Variants in FAN1 observed in about 807,000 individuals in gnomAD.
FAN1 encodes the protein FANCD2 and FANCI associated nuclease 1, also known as fanconi-associated nuclease 1.
In FAN1, 91 loss-of-function variants were observed where a neutral mutation model predicts 104.9. The observed-to-expected ratio is 0.87, with a 90% CI of 0.73 to 1.03. FAN1 has a LOEUF of 1.03. Among genes scored for constraint, FAN1 ranks in the 50% least tolerant of loss-of-function variants. The pLI is 0.00. For synonymous variants in FAN1, 478 were observed against 457.6 expected (o/e 1.04, Z -0.57); for missense variants, 1,263 against 1,239.9 (o/e 1.02, Z -0.28).
At chr15:30,924,134 A>G (rs2062401410) in intron 8 of FAN1, among the ~76,000 whole-genome samples, 1 of 152,214 alleles carries the variant, frequency 6.6e-6, no homozygotes, top group African/African-American at 2.4e-5. Context: ...TTTGCTCAGC[A>G]TCATGTTTCT....
intron 12 of FAN1, among the ~76,000 whole-genome samples, chr15:30,929,759 T>TATATC (rs2062605225): frequency 4.5e-5 from 2 of 44,892 alleles, no homozygotes; most frequent in South Asian, 7.3e-4. Context: ...TATAATATAA[T>TATATC]ATATAAAATA....
intron 13 of FAN1, among the ~76,000 whole-genome samples, chr15:30,934,557 A>AT (rs1426551920): frequency 6.6e-6 from 1 of 151,460 alleles, no homozygotes; most frequent in Non-Finnish European, 1.5e-5. Context: ...TGGTTTTTGT[A>AT]TTTTTTAGAG....
chr15:30,939,078 C>G, intron 14 of FAN1: 2 of 985,424 alleles, frequency 2.0e-6, no homozygotes, highest in Non-Finnish European at 2.4e-6. Context: ...TTTTAGTTTT[C>G]TCGGGAAATC....
At chr15:30,913,794 T>G (rs1374413337) in intron 4 of FAN1, 64 bp from the exon 5 acceptor site, 3 of 1,043,010 alleles carry the variant, frequency 2.9e-6, no homozygotes, top group African/African-American at 1.6e-5. Context: ...GAAAATAATT[T>G]GTAAAATCTG....
intron 10 of FAN1, 97 bp from the exon 11 acceptor site, chr15:30,928,452 TTGAG>T (rs1265679367): frequency 3.6e-5 from 55 of 1,521,316 alleles, no homozygotes; most frequent in Middle Eastern, 4.0e-4. Context: ...TTTCTTGAAA[TTGAG>T]TGTGCAGTAG....
chr15:30,925,347 G>C (rs976836135), intron 9 of FAN1, 56 bp downstream of exon 9: 9 of 1,502,834 alleles, frequency 6.0e-6, no homozygotes, highest in Admixed American at 1.9e-5. Flanking sequence ...TGGTTTTTTT[G>C]GACCAGAAGC....
rs796746377 is a variant in FAN1, at chr15:30,915,351, G to C, written c.1811+1260G>C. 2.0e-5 allele frequency among the ~76,000 whole-genome samples: 3 copies of C among 152,186 alleles called. No individual in the cohort carries two copies. The South Asian group carries it at 6.2e-4, about 32-fold the overall frequency. On this transcript the variant is annotated intron_variant, in intron 5 of 14. Coordinates refer to ENST00000362065, the MANE Select transcript of FAN1 (RefSeq NM_014967.5). ...GTTAACAGATACAAAAGTGCAGCTA[G>C]GTAGAAGGAATAAGTTCTGTTGTTC...
At chr15:30,939,667 TGAAG>T (rs1169927203) in intron 14 of FAN1, 2 of 560,108 alleles carry the variant, frequency 3.6e-6, no homozygotes, top group Non-Finnish European at 2.2e-6. Context: ...AAAATAAACG[TGAAG>T]GAAGAAAATT....
intron 12 of FAN1, among the ~76,000 whole-genome samples, chr15:30,929,726 A>T (rs1275977221): frequency 2.7e-5 from 1 of 37,354 alleles, no homozygotes; most frequent in African/African-American, 1.1e-4. Context: ...ATATATATAA[A>T]ATATATAATA....
rs370386263 is a variant in FAN1 at position 30,925,114 on chromosome 15, T to C, written c.2173-13T>C. ...TTTTTAGGAGCCTGATGTGTGACCA[T>C]GCTCTCTGCCAGACTATCAAGTGCA... On this transcript the variant is annotated splice_polypyrimidine_tract_variant and intron_variant, in intron 8 of 14. Transcript: ENST00000362065. The C allele has an allele frequency of 1.2e-4, 199 of 1,604,888 alleles. No homozygotes were observed. Among genetic ancestry groups the C allele is most frequent in the Non-Finnish European group, 1.6e-4 (186 of 1,174,664 alleles).
rs1239482301 is a variant in FAN1 at position 30,921,550 on chromosome 15, T to A, written c.2053-685T>A. ...AAAACAAGAAGAAAAGAAAATGGGA[T>A]CTTACAAAGAGGATGTGCTAAGCTG... On this transcript the variant is annotated intron_variant, in intron 7 of 14. Coordinates refer to ENST00000362065, the MANE Select transcript of FAN1 (RefSeq NM_014967.5). Among the ~76,000 whole-genome samples, 3 of 152,264 alleles carry A rather than the reference T, an allele frequency of 2.0e-5. No homozygotes were observed. In the East Asian group the frequency reaches 5.8e-4, roughly 29 times the overall value.
At position 30,941,693 on chromosome 15, in the gene FAN1, A is replaced by AG. The variant is rs1393905358; in HGVS notation, c.*136dup. ...GCCCAGCTCCCCATAGCAGGCCTCC[A>AG]GGGGGCCACTGCGCTGTTGCCGCAG... On this transcript the variant is annotated 3_prime_UTR_variant, in exon 15 of 15. Coordinates refer to ENST00000362065, the MANE Select transcript of FAN1 (RefSeq NM_014967.5). 1.2e-6 allele frequency: 2 copies of AG among 1,613,778 alleles called. No homozygotes were observed. Among genetic ancestry groups the AG allele is most frequent in the Non-Finnish European group, 1.7e-6 (2 of 1,179,802 alleles).
intron 8 of FAN1, among the ~76,000 whole-genome samples, chr15:30,923,514 T>C (rs1013209883): frequency 4.6e-5 from 7 of 152,216 alleles, no homozygotes; most frequent in Admixed American, 2.0e-4. Flanking sequence ...TTACTGGCCA[T>C]AGCTCTTGTT....
chr15:30,922,905 C>A (rs2062368972), intron 8 of FAN1, among the ~76,000 whole-genome samples: 1 of 152,220 alleles, frequency 6.6e-6, no homozygotes, highest in South Asian at 2.1e-4. Flanking sequence ...TCTAGGGGCA[C>A]TTGGAAGCAC....
chr15:30,910,013 C>A (rs914574367), intron 3 of FAN1, among the ~76,000 whole-genome samples: 1 of 152,184 alleles, frequency 6.6e-6, no homozygotes, highest in Non-Finnish European at 1.5e-5. Context: ...TGTAGCATGC[C>A]CGGGGCCTTA....
chr15:30,926,363 C>T (rs948681192), intron 10 of FAN1, among the ~76,000 whole-genome samples: 5 of 152,190 alleles, frequency 3.3e-5, no homozygotes, highest in Admixed American at 3.3e-4. Context: ...TCGGGAACAG[C>T]CACTGAGCCT....
At chr15:30,917,709 A>G (rs1418005413) in intron 5 of FAN1, among the ~76,000 whole-genome samples, 1 of 152,166 alleles carries the variant, frequency 6.6e-6, no homozygotes, top group Admixed American at 6.5e-5. Flanking sequence ...TCCCTTAGTT[A>G]TTTTGAAATA....
chr15:30,933,580 A>G (rs1566934593), intron 13 of FAN1, among the ~76,000 whole-genome samples: 1 of 152,192 alleles, frequency 6.6e-6, no homozygotes, highest in Non-Finnish European at 1.5e-5. Flanking sequence ...TTGTACTTGA[A>G]AAGAATGTGT....
Position 30,906,036 on chromosome 15 carries a change from G to T in FAN1, c.1234+139G>T, listed in dbSNP as rs2061971935. The stretch of plus-strand genomic sequence containing the variant: ...GAGCACCCTGTGGGAGTGTTCATGG[G>T]AGTTGGAGCATAGTCGAAGGTTTTA... On this transcript the variant is annotated intron_variant, in intron 2 of 14. Coordinates refer to ENST00000362065, the MANE Select transcript of FAN1 (RefSeq NM_014967.5). 1.7e-5 allele frequency: 13 copies of T among 764,024 alleles called. No individual in the cohort carries two copies. The South Asian group carries it at 2.2e-4, about 13-fold the overall frequency. The allele number at this position is 764,024 out of a possible 1,614,324, so 47.3% of individuals were successfully genotyped here.
Sources: allele counts gnomAD v4.1 joint callset (sites outside exome capture counted in the v4.1 genomes callset), GRCh38; gene constraint gnomAD v4.1.1; transcripts MANE v1.5; gene names NCBI Gene and HGNC (gene_info 2026-07-23, HGNC 2026-07-21).